Variants in SRPK2 observed in about 807,000 individuals in gnomAD.
The protein encoded by SRPK2 is SRSF protein kinase 2, also known as SFRS protein kinase 2.
Under a neutral mutation model 90.8 loss-of-function variants are expected in SRPK2, and 21 were observed. That is an observed-to-expected ratio of 0.23 (90% CI 0.16 to 0.33). The LOEUF is 0.33. Among genes scored for constraint, SRPK2 ranks in the 10% least tolerant of loss-of-function variants. The probability of loss-of-function intolerance (pLI) is 1.00; values close to 1 mark genes in which losing one functional copy is unlikely to be tolerated. For missense variants in SRPK2, 620 were observed against 869.0 expected (o/e 0.71, Z 3.60); for synonymous variants, 288 against 311.1 (o/e 0.93, Z 0.78).
At chr7:105,210,195 A>C (rs1407678525) in intron 2 of SRPK2, among the ~76,000 whole-genome samples, 1 of 152,224 alleles carries the variant, frequency 6.6e-6, no homozygotes, top group African/African-American at 2.4e-5. Context: ...CTTTGCTATC[A>C]GCTTAGATGG....
intron 2 of SRPK2, chr7:105,268,699 A>G: frequency 7.8e-7 from 1 of 1,281,918 alleles, no homozygotes; most frequent in Non-Finnish European, 1.1e-6. Context: ...ACCAGCATGC[A>G]GGACAATACG....
chr7:105,145,942 G>GATCTGT (rs1804558549), intron 8 of SRPK2, among the ~76,000 whole-genome samples: 3 of 152,032 alleles, frequency 2.0e-5, no homozygotes, highest in Non-Finnish European at 4.4e-5. Flanking sequence ...CACAGATCAT[G>GATCTGT]GTGTCGAAGA....
chr7:105,159,466 A>AAAAAAAAAAAAAC (rs1316365933), intron 7 of SRPK2, among the ~76,000 whole-genome samples: 13 of 114,312 alleles, frequency 1.1e-4, no homozygotes, highest in Admixed American at 3.1e-4. Flanking sequence ...AAAAAAAAAA[A>AAAAAAAAAAAAAC]AAAAAAACCG....
chr7:105,135,045 A>C (rs1421224322), intron 11 of SRPK2, among the ~76,000 whole-genome samples: 1 of 152,242 alleles, frequency 6.6e-6, no homozygotes, highest in Non-Finnish European at 1.5e-5. Context: ...GGCTGAGAAC[A>C]GAGGTCCAGG....
chr7:105,208,809 C>T (rs948083621), intron 2 of SRPK2, among the ~76,000 whole-genome samples: 1 of 152,078 alleles, frequency 6.6e-6, no homozygotes, highest in South Asian at 2.1e-4. Flanking sequence ...GTGAATTATA[C>T]TTCAAAAAGC....
chr7:105,388,909 G>A lies in SRPK2; in HGVS notation c.-103C>T, dbSNP rs550823779. ...CTCGCTCCGCCGGCCGGGAGGAGAC[G>A]AGAACCGCGCCTGCGCCGCCGCCGC... On this transcript the variant is annotated 5_prime_UTR_variant, in exon 1 of 16. Transcript: ENST00000393651. 1,446 of 1,224,426 alleles carry A rather than the reference G, an allele frequency of 1.2e-3. 8 individuals carry two copies. Among genetic ancestry groups the A allele is most frequent in the Middle Eastern group, 4.8e-3 (15 of 3,132 alleles). 75.8% of individuals were successfully genotyped at this position (1,224,426 alleles called of 1,614,324 possible).
At chr7:105,344,574 A>T (rs895797642) in intron 2 of SRPK2, among the ~76,000 whole-genome samples, 1 of 151,920 alleles carries the variant, frequency 6.6e-6, no homozygotes, top group African/African-American at 2.4e-5. Context: ...AAATCTTCTG[A>T]ATTTTTTCAA....
In SRPK2 at chr7:105,203,625, C is replaced by CG. The variant is rs1795834918; in HGVS notation, c.229+2_229+3insC. 6.7e-7 allele frequency: 1 copy of CG among 1,483,742 alleles called. No homozygotes were observed. The highest frequency in any genetic ancestry group is 2.5e-5 in the Admixed American group (1 of 39,528). 91.9% of individuals were successfully genotyped at this position (1,483,742 alleles called of 1,614,324 possible). On this transcript the variant is annotated splice_region_variant and intron_variant, in intron 3 of 15. Coordinates refer to ENST00000393651, the MANE Select transcript of SRPK2 (RefSeq NM_182692.3). ...CCCCACACCACCATGCTTGGCACAT[C>CG]ACCTTTGCAGTAGTCCGCAGGGTCC...
At chr7:105,350,576 T>A (rs1585835013) in intron 2 of SRPK2, among the ~76,000 whole-genome samples, 2 of 143,624 alleles carry the variant, frequency 1.4e-5, no homozygotes, top group South Asian at 4.3e-4. Flanking sequence ...CAGGCTGGAG[T>A]GCAGTGGCTC....
chr7:105,299,541 T>C (rs1214671067), intron 2 of SRPK2, among the ~76,000 whole-genome samples: 4 of 152,224 alleles, frequency 2.6e-5, no homozygotes, highest in African/African-American at 9.7e-5. Flanking sequence ...ACTGGAGAGA[T>C]ATAACGGTCC....
Position 105,325,668 on chromosome 7 carries a change from C to T in SRPK2, c.71+62980G>A, listed in dbSNP as rs533455304. ...AGCCCAGGAGTTCAAGACAACATAGCGAGACCTCATGCCTACAAAAAGTTA... is the reference window on the plus strand; with the variant it reads ...AGCCCAGGAGTTCAAGACAACATAGTGAGACCTCATGCCTACAAAAAGTTA... On this transcript the variant is annotated intron_variant, in intron 2 of 15. Coordinates refer to ENST00000393651, the MANE Select transcript of SRPK2 (RefSeq NM_182692.3). Among the ~76,000 whole-genome samples, 7 of 151,694 alleles carry T rather than the reference C, an allele frequency of 4.6e-5. 1 individual carries two copies. The highest frequency in any genetic ancestry group is 1.2e-4 in the African/African-American group (5 of 41,356).
intron 11 of SRPK2, 49 bp from the exon 12 acceptor site, chr7:105,133,153 G>T: frequency 6.5e-7 from 1 of 1,542,870 alleles, no homozygotes; most frequent in Non-Finnish European, 9.0e-7. Context: ...TAGGTGGTTT[G>T]CATGTGTGAG....
chr7:105,265,245 AAAC>A (rs1295767212), intron 2 of SRPK2, among the ~76,000 whole-genome samples: 2 of 152,226 alleles, frequency 1.3e-5, no homozygotes, highest in Non-Finnish European at 2.9e-5. Context: ...TTGGGATATA[AAAC>A]AATAAAAAAT....
chr7:105,305,298 G>T (rs769084869), intron 2 of SRPK2, among the ~76,000 whole-genome samples: 2 of 152,044 alleles, frequency 1.3e-5, no homozygotes, highest in Non-Finnish European at 2.9e-5. Flanking sequence ...AATTAGCCGG[G>T]TATTTTTACA....
chr7:105,335,063 C>G (rs542432595), intron 2 of SRPK2, among the ~76,000 whole-genome samples: 2 of 152,108 alleles, frequency 1.3e-5, no homozygotes, highest in East Asian at 3.9e-4. Flanking sequence ...CCCAGCTAAT[C>G]AGGAGGCTGA....
At chr7:105,368,740 C>T (rs1165534420) in intron 2 of SRPK2, among the ~76,000 whole-genome samples, 1 of 152,020 alleles carries the variant, frequency 6.6e-6, no homozygotes, top group Non-Finnish European at 1.5e-5. Context: ...AAAAAATTAG[C>T]CAGGCATGGT....
At chr7:105,365,543 T>C (rs1029275358) in intron 2 of SRPK2, among the ~76,000 whole-genome samples, 15 of 141,582 alleles carry the variant, frequency 1.1e-4, no homozygotes, top group African/African-American at 2.7e-4. Context: ...CCAGGTGCAA[T>C]GGCTCTCACA....
intron 3 of SRPK2, among the ~76,000 whole-genome samples, 169 bp downstream of exon 3, chr7:105,203,459 C>G (rs1371550354): frequency 6.6e-6 from 1 of 152,136 alleles, no homozygotes; most frequent in African/African-American, 2.4e-5. Context: ...TGATATCAGT[C>G]TCTATACAAT....
intron 2 of SRPK2, among the ~76,000 whole-genome samples, chr7:105,252,853 C>T (rs531745702): frequency 2.0e-5 from 3 of 151,234 alleles, no homozygotes; most frequent in Admixed American, 6.6e-5. Context: ...AAGAAATTCT[C>T]ATGCCTCAGC....
Sources: gnomAD v4.1 joint callset for allele counts (sites outside exome capture counted in the v4.1 genomes callset) on GRCh38, gnomAD v4.1.1 for gene constraint, MANE v1.5 for transcripts, NCBI Gene and HGNC (gene_info 2026-07-23, HGNC 2026-07-21) for gene names.